MYRF: variants seen among roughly 807,000 people sequenced by gnomAD.
The protein encoded by MYRF is myelin regulatory factor.
Under a neutral mutation model 126.3 loss-of-function variants are expected in MYRF, and 16 were observed. The observed-to-expected ratio is 0.13, with a 90% confidence interval of 0.09 to 0.19. The LOEUF is 0.19. Ranked by LOEUF, MYRF falls within the 10% of genes least tolerant of loss-of-function variation. The pLI is 1.00. For missense variants in MYRF, 1,104 were observed against 1,547.0 expected, an observed-to-expected ratio of 0.71 and a Z score of 4.80; for synonymous variants, 608 against 635.3, an observed-to-expected ratio of 0.96 and a Z score of 0.65.
intron 5 of MYRF, among the ~76,000 whole-genome samples, chr11:61,771,054 C>T (rs749125797): frequency 5.3e-5 from 8 of 152,204 alleles, no homozygotes; most frequent in Non-Finnish European, 8.8e-5. Context: ...GAAGGAGTGC[C>T]GTGCGGAAGC....
chr11:61,771,333 A>G (rs1477640823), intron 5 of MYRF, among the ~76,000 whole-genome samples, 167 bp from the exon 6 acceptor site: 1 of 152,198 alleles, frequency 6.6e-6, no homozygotes, highest in Non-Finnish European at 1.5e-5. Flanking sequence ...GCACAGAGCA[A>G]TGGGGAGTAG....
chr11:61,782,469 A>C (rs908677646), intron 22 of MYRF: 2 of 152,160 alleles, frequency 1.3e-5, no homozygotes, highest in Admixed American at 1.3e-4. Context: ...CCCATGGGGG[A>C]GATGTTTGCC....
intron 8 of MYRF, among the ~76,000 whole-genome samples, 181 bp from the exon 9 acceptor site, chr11:61,775,875 G>A (rs2066366253): frequency 6.6e-6 from 1 of 151,936 alleles, no homozygotes; most frequent in South Asian, 2.1e-4. Flanking sequence ...TGTGAAGTAG[G>A]GTGTGGGGGG....
intron 25 of MYRF, chr11:61,785,217 C>T (rs535200429): frequency 6.4e-6 from 1 of 155,254 alleles, no homozygotes; most frequent in African/African-American, 2.4e-5. Flanking sequence ...GGGTCCAAGA[C>T]AGAGGGAGAG....
In MYRF at chr11:61,766,107, A is replaced by T; in HGVS notation, c.284A>T (p.Tyr95Phe). 1.9e-6 allele frequency: 3 copies of T among 1,608,240 alleles called. No individual in the cohort carries two copies. The highest frequency in any genetic ancestry group is 2.5e-6 in the Non-Finnish European group (3 of 1,179,304). Residue 95 changes from tyrosine (Y) to phenylalanine (F), a missense_variant, in exon 3 of 27, where the codon TAC (tyrosine) becomes TTC (phenylalanine). Around this residue, in one of 10 missense-constraint regions of MYRF, gnomAD observed 368 missense variants for 403.9 expected, o/e 0.91. Transcript: ENST00000278836. ...GRHGPLPPPG[Y>F]GTPLNCNNNN... The stretch of plus-strand genomic sequence containing the variant: ...CATGGTCCCCTCCCACCCCCGGGCT[A>T]CGGCACCCCGCTGAACTGCAACAAC...
intron 1 of MYRF, among the ~76,000 whole-genome samples, chr11:61,762,589 CT>C (rs1374704419): frequency 6.6e-6 from 1 of 152,198 alleles, no homozygotes; most frequent in Middle Eastern, 3.2e-3. Context: ...GACCCTGCCC[CT>C]GTCCTGGGTT....
Position 61,772,708 on chromosome 11 carries a change from C to T in MYRF, c.1115+756C>T, listed in dbSNP as rs2066261936. On this transcript the variant is annotated intron_variant, in intron 7 of 26. Coordinates refer to ENST00000278836, the MANE Select transcript of MYRF (RefSeq NM_001127392.3). Reference sequence around the variant, plus strand: ...ACTCTTACTGCCATACTCTTTGGGCCACCCTTGCCACCCCAGGCCCCAAGG... The same window carrying T: ...ACTCTTACTGCCATACTCTTTGGGCTACCCTTGCCACCCCAGGCCCCAAGG... Among the ~76,000 whole-genome samples the T allele has an allele frequency of 2.0e-5, 3 of 152,230 alleles. No homozygotes were observed. The South Asian group carries it at 6.2e-4, about 31-fold the overall frequency.
In MYRF at chr11:61,771,851, C is replaced by A; in HGVS notation, c.1014C>A (p.Ser338Arg). The change falls in exon 7 of 27, where the codon AGC becomes AGA. Residue 338 changes from serine (S) to arginine (R), a missense_variant. By Grantham distance (110) the Ser-to-Arg change is moderately radical. Coordinates refer to ENST00000278836, the MANE Select transcript of MYRF (RefSeq NM_001127392.3). ...PSPGLLQDSDSLSGSYLDPNY... is the reference protein window; with the variant it reads ...PSPGLLQDSDRLSGSYLDPNY... The stretch of plus-strand genomic sequence containing the variant: ...CAGGCCTCCTGCAGGACAGTGACAG[C>A]CTCAGTGGCTCCTACCTGGACCCCA... 6.2e-7 allele frequency: 1 copy of A among 1,614,152 alleles called. No individual in the cohort carries two copies. The highest frequency in any genetic ancestry group is 8.5e-7 in the Non-Finnish European group (1 of 1,180,004).
intron 3 of MYRF, chr11:61,767,248 C>T (rs2066090428): frequency 2.2e-6 from 1 of 456,772 alleles, no homozygotes. Context: ...TCCTAAACTA[C>T]AGGCCCCTGG....
chr11:61,761,958 C>T (rs183141507), intron 1 of MYRF, among the ~76,000 whole-genome samples: 189 of 152,284 alleles, frequency 1.2e-3, no homozygotes, highest in African/African-American at 4.1e-3. Context: ...TCCTGCCCAG[C>T]GGGGTGTGTG....
intron 1 of MYRF, among the ~76,000 whole-genome samples, chr11:61,762,608 G>A (rs1021908995): frequency 1.3e-5 from 2 of 152,196 alleles, no homozygotes; most frequent in East Asian, 3.9e-4. Context: ...GTTCTTGGGG[G>A]CTCTATCCCA....
chr11:61,766,629 C>T (rs189350787), intron 3 of MYRF: 1 of 245,744 alleles, frequency 4.1e-6, no homozygotes, highest in East Asian at 1.0e-4. Flanking sequence ...AGGAGCTGGC[C>T]CATGGCTCAG....
intron 1 of MYRF, among the ~76,000 whole-genome samples, chr11:61,763,256 G>A (rs2065951782): frequency 6.6e-6 from 1 of 152,180 alleles, no homozygotes; most frequent in Non-Finnish European, 1.5e-5. Context: ...GTTGCCTTGG[G>A]TAAGAGACTT....
chr11:61,760,220 G>T (rs1014343172), intron 1 of MYRF, among the ~76,000 whole-genome samples: 1 of 152,148 alleles, frequency 6.6e-6, no homozygotes, highest in Non-Finnish European at 1.5e-5. Context: ...GCCCACCTCG[G>T]CCTCCCAAAG....
Position 61,765,665 on chromosome 11 carries a change from C to A in MYRF, c.87C>A (p.Asp29Glu). 1 of 1,613,164 alleles carries A rather than the reference C, an allele frequency of 6.2e-7. No individual in the cohort carries two copies. The highest frequency in any genetic ancestry group is 8.5e-7 in the Non-Finnish European group (1 of 1,179,874). ...INGALEPSNI[D>E]TSILEEYISK... ...GTGCCCTGGAGCCCTCCAACATAGA[C>A]ACCAGCATCCTGGAGGAGTACATCA... Residue 29 changes from aspartate (D) to glutamate (E), a missense_variant, in exon 2 of 27, where the codon GAC (aspartate) becomes GAA (glutamate). Transcript: ENST00000278836.
intron 1 of MYRF, among the ~76,000 whole-genome samples, chr11:61,762,725 A>G (rs1334472406): frequency 6.6e-6 from 1 of 152,108 alleles, no homozygotes; most frequent in Non-Finnish European, 1.5e-5. Flanking sequence ...GAAAGAGACG[A>G]CGCGGCCTCC....
chr11:61,783,193 C>T lies in MYRF; in HGVS notation c.3017-305C>T, dbSNP rs1226777643. The stretch of plus-strand genomic sequence containing the variant: ...TGAACCCAGAACTGGGAGAGATGCC[C>T]GCAGTCAGGAACACAGGCCTCGAGC... On this transcript the variant is annotated intron_variant, in intron 22 of 26. Transcript: ENST00000278836. This position sits in a 1 kb window ranked among gnomAD's most constrained non-coding sequence, Gnocchi z 4.6. 2.6e-5 allele frequency: 7 copies of T among 265,534 alleles called. No individual in the cohort carries two copies. Among genetic ancestry groups the T allele is most frequent in the Non-Finnish European group, 5.1e-5 (7 of 136,940 alleles). The allele number at this position is 265,534 out of a possible 1,614,324, so 16.4% of individuals were successfully genotyped here.
chr11:61,775,524 G>A (rs568944656), intron 8 of MYRF, among the ~76,000 whole-genome samples: 65 of 152,294 alleles, frequency 4.3e-4, no homozygotes, highest in Admixed American at 1.7e-3. Context: ...TGGGTCTGTC[G>A]GCTTCGGTGT....
intron 1 of MYRF, among the ~76,000 whole-genome samples, chr11:61,753,649 C>T (rs2065667087): frequency 6.6e-6 from 1 of 151,898 alleles, no homozygotes; most frequent in African/African-American, 2.4e-5. Context: ...AGTGACCTCA[C>T]CCCCACTTGA....
Sources: allele counts gnomAD v4.1 joint callset (sites outside exome capture counted in the v4.1 genomes callset), GRCh38; gene constraint gnomAD v4.1.1; regional missense constraint gnomAD v4.1.1; non-coding constraint Gnocchi (gnomAD v3.1); transcripts MANE v1.5; gene names NCBI Gene and HGNC (gene_info 2026-07-23, HGNC 2026-07-21).